The following GPM6A variants were observed in gnomAD, a reference collection of about 807,000 sequenced individuals.
GPM6A encodes glycoprotein M6A.
Under a neutral mutation model 32.1 loss-of-function variants are expected in GPM6A, and 7 were observed. The ratio of observed to expected loss-of-function variants is 0.22; its 90% CI spans 0.12 to 0.41. GPM6A has a LOEUF of 0.41. GPM6A is among the 10% of genes least tolerant of loss of function. The pLI is 1.00. For synonymous variants in GPM6A, 130 were observed against 123.4 expected (o/e 1.05, Z -0.35); for missense variants, 235 against 347.2 (o/e 0.68, Z 2.57).
At chr4:175,727,630 C>G (rs1462659162) in intron 1 of GPM6A, among the ~76,000 whole-genome samples, 2 of 152,126 alleles carry the variant, frequency 1.3e-5, no homozygotes, top group Non-Finnish European at 2.9e-5. Context: ...GATTAGAAAA[C>G]TCATCACCTA....
chr4:175,971,454 C>T (rs1740500145), intron 1 of GPM6A, among the ~76,000 whole-genome samples: 1 of 152,128 alleles, frequency 6.6e-6, no homozygotes, highest in African/African-American at 2.4e-5. Context: ...TTAAAAACCT[C>T]ATTCATCTTT....
intron 4 of GPM6A, among the ~76,000 whole-genome samples, chr4:175,650,040 A>G (rs998803834): frequency 3.3e-5 from 5 of 152,106 alleles, no homozygotes; most frequent in Non-Finnish European, 7.4e-5. Context: ...CTCCAGTAGC[A>G]TTTGCTGTGG....
intron 1 of GPM6A, among the ~76,000 whole-genome samples, chr4:175,986,367 A>T (rs185577895): frequency 3.2e-4 from 49 of 151,702 alleles, no homozygotes; most frequent in African/African-American, 1.2e-3. Context: ...AGACCCTATC[A>T]CTATAAAAAA....
At chr4:176,001,076 C>A (rs937525066) in intron 1 of GPM6A, among the ~76,000 whole-genome samples, 4 of 152,156 alleles carry the variant, frequency 2.6e-5, no homozygotes, top group African/African-American at 7.2e-5. Flanking sequence ...ATGTCCTCAG[C>A]TTTCTCTTTT....
chr4:175,663,255 G>A (rs1579356246), intron 3 of GPM6A, among the ~76,000 whole-genome samples: 1 of 152,178 alleles, frequency 6.6e-6, no homozygotes, highest in Non-Finnish European at 1.5e-5. Flanking sequence ...GACGTTTAAA[G>A]CATTTTGCTA....
intron 3 of GPM6A, among the ~76,000 whole-genome samples, chr4:175,671,592 C>T (rs553981595): frequency 2.0e-4 from 30 of 148,918 alleles, no homozygotes; most frequent in Middle Eastern, 3.6e-3. Flanking sequence ...AGCTACAAGT[C>T]CTGCGTGATA....
At chr4:175,668,740 T>C (rs551426263) in intron 3 of GPM6A, among the ~76,000 whole-genome samples, 31 of 152,144 alleles carry the variant, frequency 2.0e-4, no homozygotes, top group Non-Finnish European at 4.0e-4. Flanking sequence ...TTCGTTATTG[T>C]TGATAAAAGC....
At chr4:176,002,014 G>T (rs1168949114) in intron 1 of GPM6A, among the ~76,000 whole-genome samples, 1 of 152,128 alleles carries the variant, frequency 6.6e-6, no homozygotes, top group African/African-American at 2.4e-5. Context: ...CCAGGCTTGG[G>T]TCCTGGGGCC....
rs142590739 is a variant in GPM6A at position 175,976,412 on chromosome 4, C to T, written c.-23+25897G>A. The stretch of plus-strand genomic sequence containing the variant: ...CGATCTCCTGACCCTGTGATCCTCC[C>T]GCCTCGGCCTCCCAAAGTGCTGGGA... On this transcript the variant is annotated intron_variant, in intron 1 of 7. Coordinates refer to the GPM6A transcript ENST00000280187. Among the ~76,000 whole-genome samples, 533 of 151,746 alleles carry T rather than the reference C, an allele frequency of 3.5e-3. 2 individuals are homozygous for T. The highest frequency in any genetic ancestry group is 0.012 in the African/African-American group (515 of 41,260).
At chr4:175,689,300 A>G (rs1231484392) in intron 2 of GPM6A, among the ~76,000 whole-genome samples, 1 of 152,218 alleles carries the variant, frequency 6.6e-6, no homozygotes, top group Non-Finnish European at 1.5e-5. Flanking sequence ...CTTGGTTCAT[A>G]AGAACATTTT....
At chr4:175,881,869 T>C (rs1737289794) in intron 1 of GPM6A, among the ~76,000 whole-genome samples, 2 of 151,962 alleles carry the variant, frequency 1.3e-5, no homozygotes, top group African/African-American at 4.8e-5. Context: ...AGGGATAGCA[T>C]TAAGAGATAT....
upstream of GPM6A, chr4:175,813,140 A>G (rs1734994486): frequency 2.2e-6 from 2 of 894,794 alleles, no homozygotes; most frequent in Non-Finnish European, 2.7e-6. Flanking sequence ...TATTGTTATG[A>G]TTATAGCCCA....
At position 175,747,924 on chromosome 4, in the gene GPM6A, T is replaced by C. The variant is rs558842989; in HGVS notation, c.38-46157A>G. Among the ~76,000 whole-genome samples, 12 of 152,310 alleles carry C rather than the reference T, an allele frequency of 7.9e-5. No individual in the cohort carries two copies. In the East Asian group the frequency reaches 2.3e-3, roughly 29 times the overall value. On this transcript the variant is annotated intron_variant, in intron 1 of 6. Coordinates refer to ENST00000393658, the MANE Select transcript of GPM6A (RefSeq NM_201591.3). ...CCTCTCAAACCCTGCTGCTACTTTA[T>C]CAACTAAATTTAAATAATATTCTAA...
At chr4:175,713,799 A>C (rs1413889270) in intron 1 of GPM6A, among the ~76,000 whole-genome samples, 1 of 152,224 alleles carries the variant, frequency 6.6e-6, no homozygotes, top group African/African-American at 2.4e-5. Context: ...ATCCTCTAGT[A>C]CAAAATGGAG....
chr4:175,754,440 C>T (rs1187638965), intron 1 of GPM6A, among the ~76,000 whole-genome samples: 1 of 152,054 alleles, frequency 6.6e-6, no homozygotes, highest in Non-Finnish European at 1.5e-5. Context: ...TAAAAATATC[C>T]CAAACTTCTA....
chr4:175,939,466 T>C (rs564078775), intron 1 of GPM6A, among the ~76,000 whole-genome samples: 2 of 152,292 alleles, frequency 1.3e-5, no homozygotes, highest in South Asian at 4.1e-4. Context: ...TCCTGGCTGA[T>C]TTACATTTGC....
At chr4:175,751,331 C>G (rs1732327239) in intron 1 of GPM6A, among the ~76,000 whole-genome samples, 1 of 152,052 alleles carries the variant, frequency 6.6e-6, no homozygotes, top group Admixed American at 6.6e-5. Flanking sequence ...AAATTACAGT[C>G]AATCAGTAAA....
intron 1 of GPM6A, among the ~76,000 whole-genome samples, chr4:175,889,298 A>G (rs765910645): frequency 9.9e-5 from 15 of 152,180 alleles, no homozygotes; most frequent in Non-Finnish European, 2.1e-4. Context: ...GCAAGTTTAA[A>G]AATTCTGGGT....
intron 1 of GPM6A, chr4:175,962,325 A>G (rs971349015): frequency 5.5e-5 from 50 of 916,234 alleles, no homozygotes; most frequent in Non-Finnish European, 9.1e-5. Flanking sequence ...TCCTGTGGCC[A>G]CTCCTGAACA....
Sources: allele counts gnomAD v4.1 joint callset (sites outside exome capture counted in the v4.1 genomes callset), GRCh38; gene constraint gnomAD v4.1.1; transcripts MANE v1.5; gene names NCBI Gene and HGNC (gene_info 2026-07-23, HGNC 2026-07-21).